CACNA1B: variants seen among roughly 807,000 people sequenced by gnomAD.
The protein encoded by CACNA1B is calcium voltage-gated channel subunit alpha1 B, also known as voltage-dependent N-type calcium channel subunit alpha-1B.
In CACNA1B, 70 loss-of-function variants were observed where a neutral mutation model predicts 247.2. The observed-to-expected ratio is 0.28, with a 90% confidence interval of 0.23 to 0.35. The LOEUF is 0.35. Among genes scored for constraint, CACNA1B ranks in the 10% least tolerant of loss-of-function variants. CACNA1B has a pLI of 1.00. For missense variants in CACNA1B, 2,367 were observed against 3,197.4 expected, an observed-to-expected ratio of 0.74 and a Z score of 6.26; for synonymous variants, 1,231 against 1,294.4, an observed-to-expected ratio of 0.95 and a Z score of 1.05.
At chr9:138,043,940 C>T in intron 21 of CACNA1B, 40 bp downstream of exon 21, 1 of 1,605,082 alleles carries the variant, frequency 6.2e-7, no homozygotes, top group Non-Finnish European at 8.5e-7. Flanking sequence ...GCCGCCCACT[C>T]ACCCATGCAT....
intron 39 of CACNA1B, among the ~76,000 whole-genome samples, chr9:138,112,010 T>C (rs926315754): frequency 1.2e-4 from 18 of 152,198 alleles, no homozygotes; most frequent in African/African-American, 4.1e-4. Flanking sequence ...AGGGAAGTTT[T>C]TGAGAGTTTT....
At chr9:137,929,158 A>G (rs571569151) in intron 6 of CACNA1B, among the ~76,000 whole-genome samples, 1 of 152,310 alleles carries the variant, frequency 6.6e-6, no homozygotes, top group South Asian at 2.1e-4. Flanking sequence ...GGAACCACCA[A>G]ACTGTTTTCC....
intron 6 of CACNA1B, among the ~76,000 whole-genome samples, chr9:137,923,042 C>G (rs1406334944): frequency 6.6e-6 from 1 of 152,240 alleles, no homozygotes; most frequent in Non-Finnish European, 1.5e-5. Context: ...CCAAATGTAA[C>G]CTTTTGGTAC....
Position 138,014,419 on chromosome 9 carries a change from G to A in CACNA1B, c.2267+1184G>A, listed in dbSNP as rs1253319965. ...GCTAGAAGAGGCTGCAGCCCGCCGGGGACTCAGGCAGGGATGGGAGGGGCC... is the reference window on the plus strand; with the variant it reads ...GCTAGAAGAGGCTGCAGCCCGCCGGAGACTCAGGCAGGGATGGGAGGGGCC... On this transcript the variant is annotated intron_variant, in intron 18 of 46. Transcript: ENST00000371372. This position sits in a 1 kb window ranked among gnomAD's most constrained non-coding sequence, Gnocchi z 6.2. 6.6e-6 allele frequency among the ~76,000 whole-genome samples: 1 copy of A among 152,168 alleles called. No homozygotes were observed. The highest frequency in any genetic ancestry group is 1.5e-5 in the Non-Finnish European group (1 of 68,022).
In CACNA1B at chr9:138,018,008, T is replaced by C. The variant is rs11792646; in HGVS notation, c.2267+4773T>C. ...AGGCCACCTGCCCTGATGGAAGTGG[T>C]CAGGTGCAGTTAGGCCACCTGCCCT... On this transcript the variant is annotated intron_variant, in intron 18 of 46. Transcript: ENST00000371372. Among the ~76,000 whole-genome samples, 38 of 45,994 alleles carry C rather than the reference T, an allele frequency of 8.3e-4. 1 individual carries two copies. Among genetic ancestry groups the C allele is most frequent in the African/African-American group, 1.1e-3 (9 of 7,906 alleles). The allele number at this position is 45,994 out of a possible 152,430, so 30.2% of individuals were successfully genotyped here.
At chr9:137,972,504 C>T (rs567644825) in intron 11 of CACNA1B, among the ~76,000 whole-genome samples, 12 of 152,256 alleles carry the variant, frequency 7.9e-5, no homozygotes, top group African/African-American at 2.9e-4. Flanking sequence ...TATCCCAGCT[C>T]CCAGTTCCAG....
chr9:138,002,544 CAA>C (rs554684903), intron 15 of CACNA1B, among the ~76,000 whole-genome samples: 33,132 of 96,638 alleles, frequency 0.34, 5,810 homozygotes, highest in East Asian at 0.63. Context: ...AGCCCATATC[CAA>C]AAAAAAAAAA....
At chr9:138,017,021 G>T in intron 18 of CACNA1B, 2 of 456,334 alleles carry the variant, frequency 4.4e-6, no homozygotes, top group South Asian at 3.1e-5. Context: ...GCGGCCTCCT[G>T]TCCAGATGCA....
Position 138,011,236 on chromosome 9 carries a change from G to C in CACNA1B, c.2160+1159G>C. Among the ~76,000 whole-genome samples the C allele has an allele frequency of 6.6e-6, 1 of 152,220 alleles. No individual in the cohort carries two copies. Among genetic ancestry groups the C allele is most frequent in the East Asian group, 1.9e-4 (1 of 5,190 alleles). ...GGTTGCCTTGGAGCCCGGGGCCCTAGCTGTCCTGGGTGGGCTGCACTGGAG... is the reference window on the plus strand; with the variant it reads ...GGTTGCCTTGGAGCCCGGGGCCCTACCTGTCCTGGGTGGGCTGCACTGGAG... On this transcript the variant is annotated intron_variant, in intron 17 of 46. Transcript: ENST00000371372. This position sits in a 1 kb window ranked among gnomAD's most constrained non-coding sequence, Gnocchi z 4.2.
chr9:138,075,071 T>G (rs1438817246), intron 34 of CACNA1B, among the ~76,000 whole-genome samples: 1 of 152,242 alleles, frequency 6.6e-6, no homozygotes, highest in Non-Finnish European at 1.5e-5. Context: ...ATCTGACCAC[T>G]TTTCCAACAG....
chr9:138,000,342 CCCG>C (rs1257340892), intron 15 of CACNA1B, among the ~76,000 whole-genome samples: 1 of 152,148 alleles, frequency 6.6e-6, no homozygotes, highest in Non-Finnish European at 1.5e-5. Flanking sequence ...TCGTGATCAG[CCCG>C]CCTTGGCCTC....
Position 138,073,974 on chromosome 9 carries a change from G to A in CACNA1B, c.4792-27G>A. ...TGGGCGTGGTGGCTGGGAGGTGCCT[G>A]TAGCTGACCGGCCCCTGTCTCCGCA... On this transcript the variant is annotated intron_variant, in intron 33 of 46. Transcript: ENST00000371372. This position sits in a 1 kb window ranked among gnomAD's most constrained non-coding sequence, Gnocchi z 6.4. The A allele has an allele frequency of 1.2e-6, 2 of 1,602,854 alleles. No individual in the cohort carries two copies. Among genetic ancestry groups the A allele is most frequent in the Non-Finnish European group, 1.7e-6 (2 of 1,174,396 alleles).
chr9:137,885,171 G>A (rs1320452382), intron 3 of CACNA1B, among the ~76,000 whole-genome samples: 3 of 150,894 alleles, frequency 2.0e-5, no homozygotes, highest in Non-Finnish European at 3.0e-5. Flanking sequence ...GCCTCCACAC[G>A]TCTTCCCTCC....
chr9:137,999,201 C>G (rs941822741), intron 15 of CACNA1B, among the ~76,000 whole-genome samples: 2 of 151,610 alleles, frequency 1.3e-5, no homozygotes, highest in African/African-American at 2.4e-5. Flanking sequence ...CTACTGTACT[C>G]CAGCTTGGGT....
chr9:137,967,831 G>A (rs1958099262), intron 10 of CACNA1B, among the ~76,000 whole-genome samples: 1 of 152,158 alleles, frequency 6.6e-6, no homozygotes, highest in African/African-American at 2.4e-5. Context: ...CCCTCCGTTT[G>A]TCTCATTATT....
In CACNA1B at chr9:138,096,470, T is replaced by C; in HGVS notation, c.5095-14T>C. 6.2e-7 allele frequency: 1 copy of C among 1,612,306 alleles called. No individual in the cohort carries two copies. Among genetic ancestry groups the C allele is most frequent in the Non-Finnish European group, 8.5e-7 (1 of 1,178,686 alleles). ...GGTCTCTCTCCGTCACCTGTTCTCCTTCCTGTCCTGCAGATGTTGAACCTC... is the reference window on the plus strand; with the variant it reads ...GGTCTCTCTCCGTCACCTGTTCTCCCTCCTGTCCTGCAGATGTTGAACCTC... On this transcript the variant is annotated splice_polypyrimidine_tract_variant and intron_variant, in intron 36 of 46. Coordinates refer to ENST00000371372, the MANE Select transcript of CACNA1B (RefSeq NM_000718.4).
chr9:138,008,606 C>T (rs983964602), intron 16 of CACNA1B, among the ~76,000 whole-genome samples: 1 of 152,262 alleles, frequency 6.6e-6, no homozygotes, highest in Non-Finnish European at 1.5e-5. Flanking sequence ...CTGCCAGGGT[C>T]ACTGCTGTTG....
At position 137,971,400 on chromosome 9, in the gene CACNA1B, G is replaced by A. The variant is rs767512760; in HGVS notation, c.1351G>A (p.Ala451Thr). The stretch of plus-strand genomic sequence containing the variant: ...CCCCTCAGGATCCCCCTTCGCCCGC[G>A]CCAGCCTCAAGAGCGGGAAGACAGA... ...LCAVGSPFAR[A>T]SLKSGKTESS... Residue 451 changes from alanine (A) to threonine (T), a missense_variant, in exon 11 of 47, where the codon GCC becomes ACC. Ala to Thr is a moderately conservative substitution (Grantham distance 58, BLOSUM62 0). This residue lies in a region of CACNA1B where 219 missense variants were observed against 297.6 expected (regional missense o/e 0.74). Coordinates refer to ENST00000371372, the MANE Select transcript of CACNA1B (RefSeq NM_000718.4). The surrounding 1 kb of genome is among the most constrained non-coding windows in gnomAD (Gnocchi z 4.4). 1.1e-5 allele frequency: 18 copies of A among 1,612,046 alleles called. No individual in the cohort carries two copies. Among genetic ancestry groups the A allele is most frequent in the South Asian group, 3.3e-5 (3 of 90,682 alleles).
At chr9:137,907,434 T>C (rs1326489428) in intron 3 of CACNA1B, among the ~76,000 whole-genome samples, 1 of 152,216 alleles carries the variant, frequency 6.6e-6, no homozygotes, top group Non-Finnish European at 1.5e-5. Context: ...TTCCTAGAAG[T>C]GGCCAAATAC....
Sources: gnomAD v4.1 joint callset for allele counts (sites outside exome capture counted in the v4.1 genomes callset) on GRCh38, gnomAD v4.1.1 for gene constraint, gnomAD v4.1.1 regional missense constraint, Gnocchi (gnomAD v3.1) non-coding constraint, MANE v1.5 for transcripts, NCBI Gene and HGNC (gene_info 2026-07-23, HGNC 2026-07-21) for gene names.